SIPA1L1: variants seen among roughly 807,000 people sequenced by gnomAD.
SIPA1L1 encodes signal induced proliferation associated 1 like 1.
A neutral mutation model predicts 162.7 loss-of-function variants in SIPA1L1; 26 were observed. That is an observed-to-expected ratio of 0.16 (90% CI 0.12 to 0.22). SIPA1L1 has a LOEUF of 0.22. SIPA1L1 is among the 10% of genes least tolerant of loss of function. The probability of loss-of-function intolerance (pLI) is 1.00; values close to 1 mark genes in which losing one functional copy is unlikely to be tolerated. For synonymous variants in SIPA1L1, 829 were observed against 837.4 expected, an observed-to-expected ratio of 0.99 and a Z score of 0.17; for missense variants, 1,874 against 2,241.0, an observed-to-expected ratio of 0.84 and a Z score of 3.31.
intron 2 of SIPA1L1, among the ~76,000 whole-genome samples, chr14:71,422,643 A>C (rs111368274): frequency 6.6e-6 from 1 of 152,200 alleles, no homozygotes; most frequent in East Asian, 1.9e-4. Context: ...TCTGTGTTGT[A>C]GCATGTGTAA....
At chr14:71,441,331 G>C (rs1260011772) in intron 2 of SIPA1L1, among the ~76,000 whole-genome samples, 1 of 152,188 alleles carries the variant, frequency 6.6e-6, no homozygotes, top group Non-Finnish European at 1.5e-5. Context: ...ATGGGATCTG[G>C]TGTGGCCTTC....
At chr14:71,668,608 TAC>T (rs1596791494) in intron 10 of SIPA1L1, among the ~76,000 whole-genome samples, 1 of 152,232 alleles carries the variant, frequency 6.6e-6, no homozygotes, top group South Asian at 2.1e-4. Flanking sequence ...CCAAAGATTT[TAC>T]TGAAAGAATT....
At chr14:71,421,421 C>G (rs1480499809) in intron 2 of SIPA1L1, among the ~76,000 whole-genome samples, 1 of 151,812 alleles carries the variant, frequency 6.6e-6, no homozygotes, top group South Asian at 2.1e-4. Flanking sequence ...AGTGAGACCC[C>G]CATCTCTACA....
intron 5 of SIPA1L1, among the ~76,000 whole-genome samples, chr14:71,604,434 C>T (rs1321504463): frequency 1.3e-5 from 2 of 152,150 alleles, no homozygotes; most frequent in Non-Finnish European, 2.9e-5. Flanking sequence ...GGAGCCACTG[C>T]ACCTGGCCAA....
intron 2 of SIPA1L1, among the ~76,000 whole-genome samples, chr14:71,504,806 A>G (rs1248689598): frequency 6.6e-6 from 1 of 152,174 alleles, no homozygotes; most frequent in Non-Finnish European, 1.5e-5. Flanking sequence ...TTAACTTGGG[A>G]CTTCTACCTT....
At chr14:71,349,725 G>A (rs1024736290) in intron 2 of SIPA1L1, among the ~76,000 whole-genome samples, 1 of 152,148 alleles carries the variant, frequency 6.6e-6, no homozygotes, top group African/African-American at 2.4e-5. Context: ...GTGGGTTCCT[G>A]GTACTCCTGC....
chr14:71,664,205 G>T lies in SIPA1L1; in HGVS notation c.2255+2738G>T, dbSNP rs1028719079. ...TTCAGATAAAACATGGGTCTTCAAA[G>T]AATTTCTACACCTGTGAATTTTTCT... On this transcript the variant is annotated intron_variant, in intron 10 of 23. Coordinates refer to ENST00000381232, the MANE Select transcript of SIPA1L1 (RefSeq NM_001386936.1). 3.9e-5 allele frequency among the ~76,000 whole-genome samples: 6 copies of T among 152,086 alleles called. No homozygotes were observed. In the South Asian group the frequency reaches 1.2e-3, roughly 32 times the overall value.
intron 13 of SIPA1L1, among the ~76,000 whole-genome samples, chr14:71,692,430 C>T (rs1450435562): frequency 6.6e-6 from 1 of 152,140 alleles, no homozygotes; most frequent in Non-Finnish European, 1.5e-5. Flanking sequence ...TATTTGTCAG[C>T]CAAGACAAGG....
intron 8 of SIPA1L1, among the ~76,000 whole-genome samples, chr14:71,656,971 A>G (rs2043111099): frequency 1.3e-5 from 2 of 152,236 alleles, no homozygotes; most frequent in African/African-American, 4.8e-5. Flanking sequence ...AGTTTTCAGA[A>G]CTACTGTTGC....
chr14:71,591,443 T>C (rs926800934), intron 5 of SIPA1L1, among the ~76,000 whole-genome samples: 1 of 152,188 alleles, frequency 6.6e-6, no homozygotes, highest in African/African-American at 2.4e-5. Flanking sequence ...ATTTTATCTT[T>C]CAAAAGTCTG....
intron 2 of SIPA1L1, among the ~76,000 whole-genome samples, chr14:71,469,357 G>A (rs574415760): frequency 6.6e-6 from 1 of 152,300 alleles, no homozygotes; most frequent in South Asian, 2.1e-4. Context: ...AGATGTGAGA[G>A]GGCAACACTG....
intron 17 of SIPA1L1, among the ~76,000 whole-genome samples, chr14:71,711,739 T>C (rs1215128729): frequency 6.6e-6 from 1 of 152,220 alleles, no homozygotes; most frequent in Non-Finnish European, 1.5e-5. Context: ...TGGAGCTGCC[T>C]GAAGGCCTCA....
At chr14:71,593,267 A>G (rs1273119007) in intron 5 of SIPA1L1, among the ~76,000 whole-genome samples, 1 of 152,088 alleles carries the variant, frequency 6.6e-6, no homozygotes, top group Non-Finnish European at 1.5e-5. Context: ...GCTGGAGTTC[A>G]GTGGCACGAT....
chr14:71,459,585 T>G (rs1177443348), intron 2 of SIPA1L1, among the ~76,000 whole-genome samples: 1 of 152,062 alleles, frequency 6.6e-6, no homozygotes, highest in Non-Finnish European at 1.5e-5. Flanking sequence ...ACTGAAGAAC[T>G]TGGAGTCTGA....
chr14:71,509,481 G>A (rs750517511), intron 2 of SIPA1L1, among the ~76,000 whole-genome samples: 11 of 152,112 alleles, frequency 7.2e-5, no homozygotes, highest in Non-Finnish European at 1.5e-4. Flanking sequence ...GGTGGCTCAC[G>A]CCTATAATCC....
chr14:71,468,387 C>T (rs533375162), intron 2 of SIPA1L1, among the ~76,000 whole-genome samples: 1 of 152,038 alleles, frequency 6.6e-6, no homozygotes, highest in Non-Finnish European at 1.5e-5. Flanking sequence ...TGGCATCTGC[C>T]CAGCTTCTGG....
intron 5 of SIPA1L1, among the ~76,000 whole-genome samples, chr14:71,591,474 A>G (rs1363115701): frequency 6.6e-6 from 1 of 152,216 alleles, no homozygotes; most frequent in Non-Finnish European, 1.5e-5. Context: ...GTGAATGCCT[A>G]GATTCCAGAT....
intron 7 of SIPA1L1, among the ~76,000 whole-genome samples, chr14:71,624,689 T>G (rs1388168351): frequency 4.0e-5 from 6 of 151,716 alleles, no homozygotes; most frequent in Non-Finnish European, 8.8e-5. Context: ...ATTCACATTT[T>G]AGAGAGAAGG....
chr14:71,384,611 G>A (rs1430867321), intron 2 of SIPA1L1, among the ~76,000 whole-genome samples: 1 of 152,130 alleles, frequency 6.6e-6, no homozygotes, highest in Non-Finnish European at 1.5e-5. Flanking sequence ...CAAAACATTT[G>A]CCATGTTGTG....
Sources: allele counts gnomAD v4.1 joint callset (sites outside exome capture counted in the v4.1 genomes callset), GRCh38; gene constraint gnomAD v4.1.1; transcripts MANE v1.5; gene names NCBI Gene and HGNC (gene_info 2026-07-23, HGNC 2026-07-21).